Variants in ATP8A1 observed in about 807,000 individuals in gnomAD.
ATP8A1 encodes ATPase phospholipid transporting 8A1, also known as phospholipid-transporting ATPase IA.
In ATP8A1, 90 loss-of-function variants were observed where a neutral mutation model predicts 177.7. The observed-to-expected ratio is 0.51, with a 90% CI of 0.43 to 0.60. ATP8A1 has a LOEUF of 0.60. Among genes scored for constraint, ATP8A1 ranks in the 20% least tolerant of loss-of-function variants. ATP8A1 has a pLI of 0.00. For synonymous variants in ATP8A1, 493 were observed against 485.9 expected, an observed-to-expected ratio of 1.01 and a Z score of -0.19; for missense variants, 1,072 against 1,392.8, an observed-to-expected ratio of 0.77 and a Z score of 3.67.
At chr4:42,420,535 A>G (rs1713782747) in intron 35 of ATP8A1, among the ~76,000 whole-genome samples, 1 of 152,128 alleles carries the variant, frequency 6.6e-6, no homozygotes, top group African/African-American at 2.4e-5. Context: ...TATATTACGG[A>G]ATCACTGAAT....
chr4:42,575,160 C>T (rs1319399940), intron 13 of ATP8A1, among the ~76,000 whole-genome samples: 1 of 152,026 alleles, frequency 6.6e-6, no homozygotes, highest in Non-Finnish European at 1.5e-5. Flanking sequence ...TGGAATATGG[C>T]AACAATACAA....
intron 20 of ATP8A1, among the ~76,000 whole-genome samples, chr4:42,527,104 T>G (rs1454805015): frequency 2.0e-5 from 3 of 150,012 alleles, no homozygotes; most frequent in Non-Finnish European, 3.0e-5. Context: ...AAGAAAATGA[T>G]GAACTCAGGG....
At chr4:42,614,518 G>T (rs1736708808) in intron 5 of ATP8A1, among the ~76,000 whole-genome samples, 1 of 152,066 alleles carries the variant, frequency 6.6e-6, no homozygotes, top group Non-Finnish European at 1.5e-5. Flanking sequence ...TAAACTCCTG[G>T]AGTAGCTCTG....
chr4:42,516,346 T>G (rs1725531367), intron 22 of ATP8A1, among the ~76,000 whole-genome samples: 1 of 150,096 alleles, frequency 6.7e-6, no homozygotes, highest in Admixed American at 6.6e-5. Context: ...CTCTAACCCA[T>G]AACCTATTTT....
intron 9 of ATP8A1, among the ~76,000 whole-genome samples, chr4:42,582,893 G>A (rs1174532790): frequency 1.3e-5 from 2 of 152,142 alleles, no homozygotes; most frequent in Non-Finnish European, 1.5e-5. Context: ...CAATACTAGA[G>A]TTCTTGAGGA....
rs1722105848 is a variant in ATP8A1, at chr4:42,485,541, T to C, written c.2279A>G (p.Tyr760Cys). 1 of 1,613,394 alleles carries C rather than the reference T, an allele frequency of 6.2e-7. No individual in the cohort carries two copies. Among genetic ancestry groups the C allele is most frequent in the Non-Finnish European group, 8.5e-7 (1 of 1,179,688 alleles). Reference sequence around the variant, plus strand: ...GCATGACAAAGCTAAGTCCAGGAAATACTGTCGTACTCCAAAGGTTAAGGC... The same window carrying C: ...GCATGACAAAGCTAAGTCCAGGAAACACTGTCGTACTCCAAAGGTTAAGGC... ...KYALTFGVRQ[Y>C]FLDLALSCKA... The change falls in exon 25 of 37, where the codon TAT (tyrosine) becomes TGT (cysteine). Residue 760 changes from tyrosine to cysteine, a missense_variant. Tyr to Cys is a radical substitution (Grantham distance 194). Around this residue, in one of 5 missense-constraint regions of ATP8A1, gnomAD observed 388 missense variants for 471.7 expected, o/e 0.82. Coordinates refer to ENST00000381668, the MANE Select transcript of ATP8A1 (RefSeq NM_006095.2).
intron 25 of ATP8A1, among the ~76,000 whole-genome samples, chr4:42,473,873 C>T (rs575183116): frequency 2.4e-4 from 36 of 148,422 alleles, no homozygotes; most frequent in Non-Finnish European, 4.7e-4. Flanking sequence ...AGGCTGGTCT[C>T]GAACTCCTGG....
At chr4:42,504,944 T>C (rs1453719649) in intron 23 of ATP8A1, among the ~76,000 whole-genome samples, 3 of 152,250 alleles carry the variant, frequency 2.0e-5, no homozygotes, top group African/African-American at 7.2e-5. Flanking sequence ...CTAATCATCA[T>C]GCGACAAGCT....
intron 20 of ATP8A1, among the ~76,000 whole-genome samples, chr4:42,528,217 G>A (rs868134528): frequency 1.4e-4 from 21 of 152,166 alleles, no homozygotes; most frequent in African/African-American, 4.1e-4. Context: ...GACATACTTA[G>A]CAACTGGCAG....
At chr4:42,499,683 T>C (rs1365257380) in intron 24 of ATP8A1, among the ~76,000 whole-genome samples, 1 of 152,206 alleles carries the variant, frequency 6.6e-6, no homozygotes, top group Admixed American at 6.5e-5. Context: ...ATATAATATG[T>C]TAGGTTGCCT....
In ATP8A1 at chr4:42,422,821, A is replaced by G. The variant is rs1286234238; in HGVS notation, c.3291T>C (p.Val1097=). 2 of 1,612,582 alleles carry G rather than the reference A, an allele frequency of 1.2e-6. No individual in the cohort carries two copies. Among genetic ancestry groups the G allele is most frequent in the East Asian group, 4.5e-5 (2 of 44,850 alleles). The stretch of plus-strand genomic sequence containing the variant: ...GTGTATTTTACCTTTTTCCAAGTAC[A>G]ACTGCTCCTGGGTCTTGAGATTTTG... ...LEAKSQDPGA[V]VLGKSLTERA... is the part of the protein sequence containing the mutation. The change falls in exon 35 of 37, where the codon GTT becomes GTC. Residue 1097 remains valine, a synonymous_variant. Coordinates refer to ENST00000381668, the MANE Select transcript of ATP8A1 (RefSeq NM_006095.2).
chr4:42,579,735 ATAAAG>A (rs1177505215), intron 11 of ATP8A1, 73 bp downstream of exon 11: 15 of 1,288,920 alleles, frequency 1.2e-5, no homozygotes, highest in Non-Finnish European at 1.6e-5. Flanking sequence ...ACAATACGAA[ATAAAG>A]TAAATCAAGA....
At chr4:42,638,488 C>T (rs527309026) in intron 1 of ATP8A1, among the ~76,000 whole-genome samples, 2 of 152,264 alleles carry the variant, frequency 1.3e-5, no homozygotes, top group South Asian at 2.1e-4. Context: ...TAGAGTTGGG[C>T]GTCACACATA....
chr4:42,498,466 T>C (rs1723500308), intron 24 of ATP8A1, among the ~76,000 whole-genome samples: 1 of 152,230 alleles, frequency 6.6e-6, no homozygotes, highest in Non-Finnish European at 1.5e-5. Flanking sequence ...GAAAAATATA[T>C]ATTCTAATGC....
intron 16 of ATP8A1, among the ~76,000 whole-genome samples, chr4:42,555,681 G>A (rs1202018927): frequency 6.6e-6 from 1 of 152,024 alleles, no homozygotes; most frequent in Non-Finnish European, 1.5e-5. Context: ...AAATTAGCCG[G>A]GTGTGGTGGC....
rs141137600 is a variant in ATP8A1, at chr4:42,570,126, C to T, written c.1296-921G>A. On this transcript the variant is annotated intron_variant, in intron 14 of 36. Transcript: ENST00000381668. ...TTCACTTCCTAAAAGTTCAATCTTT[C>T]ATCAACCCAGCCAAGGCAGGGACTT... Among the ~76,000 whole-genome samples, 263 of 152,258 alleles carry T rather than the reference C, an allele frequency of 1.7e-3. 3 individuals carry two copies. Among genetic ancestry groups the T allele is most frequent in the African/African-American group, 6.2e-3 (257 of 41,566 alleles).
At chr4:42,623,490 T>C (rs892339659) in intron 4 of ATP8A1, among the ~76,000 whole-genome samples, 2 of 152,156 alleles carry the variant, frequency 1.3e-5, no homozygotes, top group Non-Finnish European at 2.9e-5. Context: ...GCGGTACATA[T>C]ACACCACGGA....
intron 33 of ATP8A1, among the ~76,000 whole-genome samples, chr4:42,430,261 A>G (rs1715122002): frequency 6.6e-6 from 1 of 152,006 alleles, no homozygotes; most frequent in Non-Finnish European, 1.5e-5. Context: ...TTCTGTCTGG[A>G]GTGCTACAAC....
At chr4:42,535,754 T>C (rs1727757953) in intron 20 of ATP8A1, among the ~76,000 whole-genome samples, 1 of 152,196 alleles carries the variant, frequency 6.6e-6, no homozygotes, top group African/African-American at 2.4e-5. Context: ...TTAGAAATTA[T>C]AGCAAGTACT....
Sources: gnomAD v4.1 joint callset for allele counts (sites outside exome capture counted in the v4.1 genomes callset) on GRCh38, gnomAD v4.1.1 for gene constraint, gnomAD v4.1.1 regional missense constraint, MANE v1.5 for transcripts, NCBI Gene and HGNC (gene_info 2026-07-23, HGNC 2026-07-21) for gene names.